Variants in ARHGAP29 observed in about 807,000 individuals in gnomAD.
ARHGAP29 encodes rho GTPase-activating protein 29.
In ARHGAP29, 43 loss-of-function variants were observed where a neutral mutation model predicts 122.6. The ratio of observed to expected loss-of-function variants is 0.35; its 90% CI spans 0.27 to 0.45. The LOEUF (loss-of-function observed/expected upper bound fraction) is 0.45. Ranked by LOEUF, ARHGAP29 falls within the 20% of genes least tolerant of loss-of-function variation. The pLI, the probability that ARHGAP29 is intolerant of heterozygous loss-of-function variation, is 1.00. For missense variants in ARHGAP29, 1,303 were observed against 1,477.2 expected (o/e 0.88, Z 1.93); for synonymous variants, 506 against 497.1 (o/e 1.02, Z -0.24).
intron 1 of ARHGAP29, among the ~76,000 whole-genome samples, chr1:94,258,283 G>A (rs1001291911): frequency 3.9e-5 from 6 of 152,162 alleles, no homozygotes; most frequent in African/African-American, 1.4e-4. Flanking sequence ...GTGCCCTCTA[G>A]TCATAGGAGA....
intron 12 of ARHGAP29, among the ~76,000 whole-genome samples, chr1:94,197,375 A>T (rs777018956): frequency 1.3e-5 from 2 of 152,178 alleles, no homozygotes; most frequent in African/African-American, 4.8e-5. Context: ...TAAAAAAAAA[A>T]TTTTCCAAAG....
At chr1:94,178,323 T>C (rs749385904) in intron 20 of ARHGAP29, among the ~76,000 whole-genome samples, 156 bp from the exon 21 acceptor site, 12 of 152,316 alleles carry the variant, frequency 7.9e-5, no homozygotes, top group Non-Finnish European at 1.3e-4. Context: ...TTGATTAAAA[T>C]ATTGACCACA....
At chr1:94,186,896 T>G (rs1324384361) in intron 15 of ARHGAP29, among the ~76,000 whole-genome samples, 3 of 152,184 alleles carry the variant, frequency 2.0e-5, no homozygotes, top group African/African-American at 7.2e-5. Context: ...TCCACAAGTA[T>G]AGCTGATATT....
intron 2 of ARHGAP29, 31 bp downstream of exon 2, chr1:94,231,376 C>T: frequency 6.3e-7 from 1 of 1,578,120 alleles, no homozygotes; most frequent in Non-Finnish European, 8.7e-7. Context: ...ACAAACTATC[C>T]AGCAAGAATG....
rs963523409 is a variant in ARHGAP29 at position 94,186,561 on chromosome 1, C to A, written c.1718G>T (p.Ser573Ile). The A allele has an allele frequency of 3.1e-6, 5 of 1,613,560 alleles. No individual in the cohort carries two copies. In the African/African-American group the frequency reaches 6.7e-5, roughly 22 times the overall value. ...FHRKLPRTPS[S>I]GTMSSADDLD... ...ATCATCTGCAGAGGACATAGTTCCA[C>A]TGGATGGTGTTCGTGGAAGTTTTCG... The change falls in exon 16 of 23, where the codon AGT becomes ATT. Residue 573 changes from serine to isoleucine, a missense_variant. By Grantham distance (142) the Ser-to-Ile change is moderately radical. Around this residue, in one of 3 missense-constraint regions of ARHGAP29, gnomAD observed 91 missense variants for 177.8 expected, o/e 0.51. Transcript: ENST00000260526.
chr1:94,308,292 A>G, the ARHGAP29 span, among the ~76,000 whole-genome samples: 1 of 152,156 alleles, frequency 6.6e-6, no homozygotes, highest in Non-Finnish European at 1.5e-5. Flanking sequence ...GGCAGGAAAG[A>G]TGGTAGTAGT....
intron 7 of ARHGAP29, 139 bp from the exon 8 acceptor site, chr1:94,204,133 C>A: frequency 6.1e-6 from 3 of 489,656 alleles, no homozygotes; most frequent in Non-Finnish European, 1.0e-5. Flanking sequence ...TACAGCAATA[C>A]TTCTTTCTTC....
At chr1:94,290,275 C>T in the ARHGAP29 span, among the ~76,000 whole-genome samples, 29 of 150,722 alleles carry the variant, frequency 1.9e-4, no homozygotes, top group South Asian at 3.5e-3. Context: ...GTGATATCCC[C>T]TTTATCATTT....
intron 20 of ARHGAP29, 74 bp from the exon 21 acceptor site, chr1:94,178,241 A>G (rs1415997238): frequency 7.0e-7 from 1 of 1,423,524 alleles, no homozygotes; most frequent in African/African-American, 1.4e-5. Context: ...ACTATGGAAT[A>G]GAGAGGGTGG....
chr1:94,214,699 G>T (rs2101563079), intron 3 of ARHGAP29, among the ~76,000 whole-genome samples: 1 of 152,180 alleles, frequency 6.6e-6, no homozygotes, highest in South Asian at 2.1e-4. Context: ...TTAAAATGTT[G>T]CTTAAGGTTT....
chr1:94,295,268 A>G, the ARHGAP29 span, among the ~76,000 whole-genome samples: 8 of 152,292 alleles, frequency 5.3e-5, no homozygotes, highest in African/African-American at 1.9e-4. Flanking sequence ...CCAAGTGGGT[A>G]TATAGAAGAA....
chr1:94,200,745 T>C (rs891712426), intron 12 of ARHGAP29, among the ~76,000 whole-genome samples: 1 of 152,262 alleles, frequency 6.6e-6, no homozygotes, highest in Admixed American at 6.5e-5. Context: ...TTGATGAATC[T>C]CAAAGGCATT....
intron 1 of ARHGAP29, among the ~76,000 whole-genome samples, chr1:94,270,074 A>G (rs557554080): frequency 6.6e-6 from 1 of 152,322 alleles, no homozygotes; most frequent in East Asian, 1.9e-4. Flanking sequence ...GAGCTGCACA[A>G]TCCAGACTTC....
At chr1:94,245,380 A>T (rs1210015127) in intron 1 of ARHGAP29, among the ~76,000 whole-genome samples, 1 of 152,230 alleles carries the variant, frequency 6.6e-6, no homozygotes, top group East Asian at 1.9e-4. Flanking sequence ...TTACGATGGA[A>T]TACTATTTAA....
At chr1:94,242,516 T>G (rs1330949985), upstream of ARHGAP29, among the ~76,000 whole-genome samples, 1 of 151,438 alleles carries the variant, frequency 6.6e-6, no homozygotes, top group Non-Finnish European at 1.5e-5. Flanking sequence ...AGTAGTGTAA[T>G]ACTATTTGAA....
Position 94,188,780 on chromosome 1 carries a change from T to C in ARHGAP29, c.1681+57A>G, listed in dbSNP as rs527897548. 4.6e-5 allele frequency: 65 copies of C among 1,400,912 alleles called. No homozygotes were observed. In the South Asian group the frequency reaches 7.1e-4, roughly 15 times the overall value. 86.8% of individuals were successfully genotyped at this position (1,400,912 alleles called of 1,614,324 possible). A position where few individuals can be genotyped will look rare whatever the true frequency, so the allele number is the denominator to read the frequency against. ...AAAAACAAGGTAGTTAAAAAATACCTAAAAAAGGACTGATCTTTCAATGAG... is the reference window on the plus strand; with the variant it reads ...AAAAACAAGGTAGTTAAAAAATACCCAAAAAAGGACTGATCTTTCAATGAG... On this transcript the variant is annotated intron_variant, in intron 15 of 22. Coordinates refer to ENST00000260526, the MANE Select transcript of ARHGAP29 (RefSeq NM_004815.4).
At chr1:94,205,285 T>C in intron 6 of ARHGAP29, 87 bp from the exon 7 acceptor site, 1 of 1,094,082 alleles carries the variant, frequency 9.1e-7, no homozygotes, top group Non-Finnish European at 1.2e-6. Context: ...CCTAAGATAC[T>C]AGTCAATAAA....
At position 94,179,853 on chromosome 1, in the gene ARHGAP29, A is replaced by G; in HGVS notation, c.2352T>C (p.Leu784=). ...ACATATTTGGCCATTTTTTGTCTTCAAGACTATTCTTTTTTGTCTCTTGTT... is the reference window on the plus strand; with the variant it reads ...ACATATTTGGCCATTTTTTGTCTTCGAGACTATTCTTTTTTGTCTCTTGTT... ...NEEQETKKNS[L]EDKKWPNMCI... The change falls in exon 20 of 23, where the codon CTT becomes CTC. Residue 784 remains leucine, a synonymous_variant. Transcript: ENST00000260526. 1 of 1,613,360 alleles carries G rather than the reference A, an allele frequency of 6.2e-7. No individual in the cohort carries two copies. Among genetic ancestry groups the G allele is most frequent in the South Asian group, 1.1e-5 (1 of 91,054 alleles).
chr1:94,174,004 C>G lies in ARHGAP29; in HGVS notation c.3651G>C (p.Gly1217=), dbSNP rs755344625. The G allele has an allele frequency of 6.2e-7, 1 of 1,614,204 alleles. No individual in the cohort carries two copies. Among genetic ancestry groups the G allele is most frequent in the East Asian group, 2.2e-5 (1 of 44,892 alleles). The change falls in exon 23 of 23, where the codon GGG becomes GGC. Residue 1217 remains glycine (G), a synonymous_variant. Transcript: ENST00000260526. ...CTTCTTTAGGTTGACCAGTTGCTTG[C>G]CCAGGACAAGCTGATGCTTTGTCTG... ...PDPDKASACP[G]QATGQPKEDS...
Sources: gnomAD v4.1 joint callset for allele counts (sites outside exome capture counted in the v4.1 genomes callset) on GRCh38, gnomAD v4.1.1 for gene constraint, gnomAD v4.1.1 regional missense constraint, MANE v1.5 for transcripts, NCBI Gene and HGNC (gene_info 2026-07-23, HGNC 2026-07-21) for gene names.